The following PNPT1 variants were observed in gnomAD, a reference collection of about 807,000 sequenced individuals.
PNPT1 encodes the protein polyribonucleotide nucleotidyltransferase 1.
Under a neutral mutation model 119.5 loss-of-function variants are expected in PNPT1, and 53 were observed. The observed-to-expected ratio is 0.44, with a 90% CI of 0.36 to 0.56. The LOEUF is 0.56. Ranked by LOEUF, PNPT1 falls within the 20% of genes least tolerant of loss-of-function variation. The pLI is 0.00. For missense variants in PNPT1, 948 were observed against 938.5 expected, an observed-to-expected ratio of 1.01 and a Z score of -0.13; for synonymous variants, 357 against 322.1, an observed-to-expected ratio of 1.11 and a Z score of -1.16.
At chr2:55,693,591 G>A (rs894673094) in intron 1 of PNPT1, 72 bp downstream of exon 1, 12 of 1,578,190 alleles carry the variant, frequency 7.6e-6, no homozygotes, top group South Asian at 1.1e-5. Flanking sequence ...TTCTACCCTG[G>A]GAGATGAATA....
At chr2:55,661,875 AATT>A in intron 14 of PNPT1, 78 bp downstream of exon 14, 1 of 1,265,612 alleles carries the variant, frequency 7.9e-7, no homozygotes, top group Non-Finnish European at 1.1e-6. Flanking sequence ...AAGTAACAAT[AATT>A]AATAATATAC....
intron 8 of PNPT1, among the ~76,000 whole-genome samples, chr2:55,677,846 T>A (rs1199354821): frequency 2.6e-5 from 4 of 151,716 alleles, no homozygotes; most frequent in Non-Finnish European, 5.9e-5. Context: ...TTCACGCCAT[T>A]CTCCTGCCTC....
intron 8 of PNPT1, among the ~76,000 whole-genome samples, chr2:55,674,694 A>C (rs1297421950): frequency 6.6e-6 from 1 of 152,226 alleles, no homozygotes; most frequent in Non-Finnish European, 1.5e-5. Flanking sequence ...TTGAAGCAAA[A>C]GCAAAAATTG....
intron 18 of PNPT1, among the ~76,000 whole-genome samples, chr2:55,651,056 C>A (rs1297638817): frequency 1.3e-5 from 2 of 148,202 alleles, no homozygotes; most frequent in Non-Finnish European, 3.0e-5. Flanking sequence ...CCGGCCGCCC[C>A]GTCCAGGAGG....
chr2:55,639,959 T>A (rs7575400), intron 26 of PNPT1, among the ~76,000 whole-genome samples: 37 of 152,328 alleles, frequency 2.4e-4, no homozygotes, highest in African/African-American at 8.4e-4. Flanking sequence ...TGTTTTAAGA[T>A]AACCAGCTGT....
chr2:55,678,514 C>T (rs1243187004), intron 8 of PNPT1, among the ~76,000 whole-genome samples: 2 of 152,224 alleles, frequency 1.3e-5, no homozygotes, highest in African/African-American at 2.4e-5. Context: ...AACTGCCACA[C>T]ACCTTTTTGC....
chr2:55,639,776 G>C (rs1256158023), intron 26 of PNPT1, among the ~76,000 whole-genome samples: 1 of 151,706 alleles, frequency 6.6e-6, no homozygotes, highest in Non-Finnish European at 1.5e-5. Flanking sequence ...TACTTTTTTG[G>C]CTTTGATATC....
At chr2:55,653,909 C>T (rs1696294329) in intron 18 of PNPT1, among the ~76,000 whole-genome samples, 1 of 152,086 alleles carries the variant, frequency 6.6e-6, no homozygotes, top group South Asian at 2.1e-4. Flanking sequence ...TAGGTTCCTT[C>T]TCTCTTTCTT....
intron 27 of PNPT1, among the ~76,000 whole-genome samples, chr2:55,636,789 A>G (rs955423489): frequency 2.0e-5 from 3 of 152,232 alleles, no homozygotes; most frequent in African/African-American, 7.2e-5. Flanking sequence ...CAAAGGACCA[A>G]CACATTAGTG....
chr2:55,657,060 G>C (rs1410143758), intron 15 of PNPT1, among the ~76,000 whole-genome samples: 1 of 152,202 alleles, frequency 6.6e-6, no homozygotes, highest in Non-Finnish European at 1.5e-5. Context: ...CGGGCGCAGT[G>C]GCTCATGCCT....
intron 26 of PNPT1, 96 bp downstream of exon 26, chr2:55,640,531 G>A (rs1029789235): frequency 1.9e-6 from 2 of 1,054,456 alleles, no homozygotes; most frequent in Admixed American, 2.1e-5. Context: ...TAGGCTAGTA[G>A]TAGGCAAAGT....
chr2:55,677,595 T>TC (rs1697114353), intron 8 of PNPT1, among the ~76,000 whole-genome samples: 1 of 20,064 alleles, frequency 5.0e-5, no homozygotes, highest in Non-Finnish European at 8.2e-5. Context: ...AGACTATGTC[T>TC]CAAAAAAAAA....
chr2:55,636,850 T>C lies in PNPT1; in HGVS notation c.2197-458A>G, dbSNP rs79048943. Reference sequence around the variant, plus strand: ...GAAAGTCAGGGGCAAATGCAAAGGTTTAAAGTTCCTTCTGATGTGAAAACA... The same window carrying C: ...GAAAGTCAGGGGCAAATGCAAAGGTCTAAAGTTCCTTCTGATGTGAAAACA... On this transcript the variant is annotated intron_variant, in intron 27 of 27. Coordinates refer to ENST00000447944, the MANE Select transcript of PNPT1 (RefSeq NM_033109.5). Among the ~76,000 whole-genome samples, 3 of 150,012 alleles carry C rather than the reference T, an allele frequency of 2.0e-5. No homozygotes were observed. In the East Asian group the frequency reaches 5.8e-4, roughly 29 times the overall value.
intron 7 of PNPT1, 95 bp from the exon 8 acceptor site, chr2:55,679,890 G>A (rs776067962): frequency 1.2e-4 from 94 of 805,194 alleles, no homozygotes; most frequent in Admixed American, 2.2e-4. Context: ...CTTTGATTGT[G>A]ACCACAGAAT....
At position 55,635,263 on chromosome 2, in the gene PNPT1, T is replaced by A. The variant is rs935915634; in HGVS notation, c.*974A>T. On this transcript the variant is annotated 3_prime_UTR_variant, in exon 28 of 28. Transcript: ENST00000447944. ...CTCTTATACTAAGAACTTCCATACA[T>A]TAGAGCAATACACATATTCAAATTG... 1.1e-4 allele frequency: 17 copies of A among 152,058 alleles called. No individual in the cohort carries two copies. The highest frequency in any genetic ancestry group is 4.1e-4 in the African/African-American group (17 of 41,378). 9.4% of individuals were successfully genotyped at this position (152,058 alleles called of 1,614,324 possible).
intron 17 of PNPT1, among the ~76,000 whole-genome samples, chr2:55,655,896 A>G (rs1258897588): frequency 1.3e-5 from 2 of 152,210 alleles, no homozygotes; most frequent in African/African-American, 2.4e-5. Flanking sequence ...AACAAGCCAA[A>G]CTGGATCTAC....
chr2:55,673,597 C>T (rs1215574588), intron 8 of PNPT1, among the ~76,000 whole-genome samples: 2 of 151,642 alleles, frequency 1.3e-5, no homozygotes, highest in East Asian at 1.9e-4. Flanking sequence ...TACAGGCGCC[C>T]GCCACCATGC....
rs1216670016 is a variant in PNPT1 at position 55,674,353 on chromosome 2, G to A, written c.680-1274C>T. On this transcript the variant is annotated intron_variant, in intron 8 of 27. Coordinates refer to ENST00000447944, the MANE Select transcript of PNPT1 (RefSeq NM_033109.5). ...TCACACCTGTAATCCCAGCACTTTG[G>A]GAGGCTAAAGTGGGCAGATCACCTG... Among the ~76,000 whole-genome samples the A allele has an allele frequency of 2.6e-5, 4 of 152,190 alleles. No homozygotes were observed. The East Asian group carries it at 7.7e-4, about 29-fold the overall frequency.
chr2:55,661,974 T>G lies in PNPT1; in HGVS notation c.1229A>C (p.Gln410Pro), dbSNP rs914752739. 2 of 1,572,904 alleles carry G rather than the reference T, an allele frequency of 1.3e-6. No individual in the cohort carries two copies. Among genetic ancestry groups the G allele is most frequent in the Non-Finnish European group, 8.6e-7 (1 of 1,166,896 alleles). Residue 410 changes from glutamine to proline, a missense_variant, in exon 14 of 28, where the codon CAA (glutamine) becomes CCA (proline). Physicochemically the swap from Gln to Pro is moderately conservative, Grantham distance 76 (BLOSUM62 -1). Transcript: ENST00000447944. ...DSLESGIKSD[Q>P]VITAINGIKD... Reference sequence around the variant, plus strand: ...AACTTACTTTATAGCTGTTATAACTTGATCTGACTTAATACCAGATTCTAA... The same window carrying G: ...AACTTACTTTATAGCTGTTATAACTGGATCTGACTTAATACCAGATTCTAA...
Sources: allele counts gnomAD v4.1 joint callset (sites outside exome capture counted in the v4.1 genomes callset), GRCh38; gene constraint gnomAD v4.1.1; transcripts MANE v1.5; gene names NCBI Gene and HGNC (gene_info 2026-07-23, HGNC 2026-07-21).